The following TAMM41 variants were observed in gnomAD, a reference collection of about 807,000 sequenced individuals.
TAMM41 encodes phosphatidate cytidylyltransferase, mitochondrial.
Under a neutral mutation model 44.1 loss-of-function variants are expected in TAMM41, and 36 were observed. The ratio of observed to expected loss-of-function variants is 0.82; its 90% CI spans 0.63 to 1.08. TAMM41 has a LOEUF of 1.08. TAMM41 is among the 50% of genes least tolerant of loss of function. The pLI, the probability that TAMM41 is intolerant of heterozygous loss-of-function variation, is 0.00. For synonymous variants in TAMM41, 164 were observed against 153.1 expected (o/e 1.07, Z -0.53); for missense variants, 417 against 404.3 (o/e 1.03, Z -0.27).
chr3:11,776,727 C>A, the TAMM41 span, among the ~76,000 whole-genome samples: 1 of 152,184 alleles, frequency 6.6e-6, no homozygotes, highest in South Asian at 2.1e-4. Flanking sequence ...AGAGACAGAC[C>A]ATCCAGGACT....
At chr3:11,739,026 ACT>A in the TAMM41 span, among the ~76,000 whole-genome samples, 2 of 151,708 alleles carry the variant, frequency 1.3e-5, no homozygotes, top group Non-Finnish European at 2.9e-5. Context: ...GCGACATTAG[ACT>A]CTACTCTCTC....
the TAMM41 span, among the ~76,000 whole-genome samples, chr3:11,723,580 C>CAAAAAA: frequency 3.1e-5 from 3 of 97,240 alleles, no homozygotes; most frequent in Non-Finnish European, 4.4e-5. Context: ...GACCCTGTCT[C>CAAAAAA]AAAAAAAAAA....
chr3:11,802,219 C>CA (rs1232950470), intron 7 of TAMM41, among the ~76,000 whole-genome samples: 1 of 151,194 alleles, frequency 6.6e-6, no homozygotes, highest in Non-Finnish European at 1.5e-5. Flanking sequence ...GACCCTGACT[C>CA]AAAAAACAAA....
the TAMM41 span, among the ~76,000 whole-genome samples, chr3:11,728,916 G>T: frequency 6.6e-6 from 1 of 151,132 alleles, no homozygotes; most frequent in African/African-American, 2.4e-5. Flanking sequence ...GCTGAGGCAG[G>T]AGAATCGCTT....
At chr3:11,840,389 C>A in intron 2 of TAMM41, among the ~76,000 whole-genome samples, 1 of 152,044 alleles carries the variant, frequency 6.6e-6, no homozygotes, top group East Asian at 1.9e-4. Flanking sequence ...CGCGGTACCA[C>A]ATCTGGCTAA....
chr3:11,791,718 G>A (rs1209751105), intron 7 of TAMM41, among the ~76,000 whole-genome samples: 1 of 152,124 alleles, frequency 6.6e-6, no homozygotes, highest in African/African-American at 2.4e-5. Context: ...AGTCCACTTA[G>A]AGCCTTGGAA....
chr3:11,772,140 A>G, the TAMM41 span, among the ~76,000 whole-genome samples: 1 of 150,030 alleles, frequency 6.7e-6, no homozygotes, highest in Admixed American at 6.6e-5. Flanking sequence ...GTGCAATCTC[A>G]GCTCACTGTA....
chr3:11,767,719 G>A, the TAMM41 span, among the ~76,000 whole-genome samples: 4,283 of 141,890 alleles, frequency 0.03, 204 homozygotes, highest in African/African-American at 0.11. Flanking sequence ...TCCGCCTCCC[G>A]GGTTCAAGCA....
the TAMM41 span, among the ~76,000 whole-genome samples, chr3:11,765,279 C>A: frequency 2.1e-3 from 319 of 152,272 alleles, no homozygotes; most frequent in African/African-American, 7.3e-3. Flanking sequence ...TACCCGTCAC[C>A]GCCATCCTCG....
chr3:11,840,547 T>C (rs1028727753), intron 2 of TAMM41, among the ~76,000 whole-genome samples: 4 of 152,134 alleles, frequency 2.6e-5, no homozygotes, highest in Admixed American at 2.0e-4. Flanking sequence ...ATTAAACTCT[T>C]TACAGCAATA....
chr3:11,722,816 A>C, the TAMM41 span, among the ~76,000 whole-genome samples: 1 of 152,186 alleles, frequency 6.6e-6, no homozygotes, highest in Non-Finnish European at 1.5e-5. Context: ...TAAAAATACA[A>C]AAATTAGCCA....
At chr3:11,781,374 G>T in the TAMM41 span, among the ~76,000 whole-genome samples, 1 of 152,146 alleles carries the variant, frequency 6.6e-6, no homozygotes, top group Non-Finnish European at 1.5e-5. Flanking sequence ...TCTTAGCCCT[G>T]TTATAATTTA....
chr3:11,811,647 C>T (rs947103750), intron 5 of TAMM41: 9 of 152,118 alleles, frequency 5.9e-5, no homozygotes, highest in Non-Finnish European at 8.8e-5. Flanking sequence ...ATTTTAAAAG[C>T]GGACATGGAT....
At chr3:11,789,717 G>A (rs1213606072), downstream of TAMM41, among the ~76,000 whole-genome samples, 1 of 152,196 alleles carries the variant, frequency 6.6e-6, no homozygotes, top group Non-Finnish European at 1.5e-5. Flanking sequence ...AAGGTTTCTT[G>A]CTTTTCTAAG....
the TAMM41 span, among the ~76,000 whole-genome samples, chr3:11,746,800 A>AATTTTTTGTATTTTTTGT: frequency 0.017 from 2,518 of 151,076 alleles, 81 homozygotes; most frequent in African/African-American, 0.059. Context: ...ATGCCCAGCT[A>AATTTTTTGTATTTTTTGT]ATTTTTTGTA....
At chr3:11,838,219 T>C (rs971844981) in intron 3 of TAMM41, among the ~76,000 whole-genome samples, 5 of 152,176 alleles carry the variant, frequency 3.3e-5, no homozygotes, top group Non-Finnish European at 5.9e-5. Flanking sequence ...CAGTTTTTTG[T>C]TGCTGTTGTT....
At chr3:11,829,615 A>C (rs767202196) in intron 4 of TAMM41, 99 bp downstream of exon 4, 2 of 1,386,506 alleles carry the variant, frequency 1.4e-6, no homozygotes, top group Non-Finnish European at 2.0e-6. Flanking sequence ...TTTACAACTA[A>C]GACTGTAGCA....
At chr3:11,751,781 A>G in the TAMM41 span, among the ~76,000 whole-genome samples, 2 of 152,102 alleles carry the variant, frequency 1.3e-5, no homozygotes, top group African/African-American at 4.8e-5. Context: ...CTCTACTTTA[A>G]TGGTTCTTGA....
intron 6 of TAMM41, chr3:11,808,346 G>T (rs940505897): frequency 4.0e-6 from 4 of 1,005,004 alleles, no homozygotes; most frequent in Non-Finnish European, 4.7e-6. Context: ...TCAAAGAGAC[G>T]GCCCAGATCA....
Sources: gnomAD v4.1 joint callset for allele counts (sites outside exome capture counted in the v4.1 genomes callset) on GRCh38, gnomAD v4.1.1 for gene constraint, MANE v1.5 for transcripts, NCBI Gene and HGNC (gene_info 2026-07-23, HGNC 2026-07-21) for gene names.